Variants in SP5 observed in about 807,000 individuals in gnomAD.
The protein encoded by SP5 is transcription factor Sp5.
A neutral mutation model predicts 27.4 loss-of-function variants in SP5; 12 were observed. That is an observed-to-expected ratio of 0.44 (90% CI 0.28 to 0.71). The LOEUF is 0.71. Ranked by LOEUF, SP5 falls within the 30% of genes least tolerant of loss-of-function variation. SP5 has a pLI of 0.15. For missense variants in SP5, 660 were observed against 589.8 expected (o/e 1.12, Z -1.23); for synonymous variants, 330 against 290.7 (o/e 1.14, Z -1.38).
At chr2:170,715,975 C>G in intron 1 of SP5, 16 of 1,352,448 alleles carry the variant, frequency 1.2e-5, no homozygotes, top group Non-Finnish European at 1.5e-5. Flanking sequence ...CGGATGCCTC[C>G]CCCTCCCACT....
At position 170,715,554 on chromosome 2, in the gene SP5, C is replaced by T; in HGVS notation, c.42C>T (p.Ala14=). 1 of 1,557,916 alleles carries T rather than the reference C, an allele frequency of 6.4e-7. No homozygotes were observed. Among genetic ancestry groups the T allele is most frequent in the Middle Eastern group, 1.7e-4 (1 of 5,958 alleles). ...TCCTCCGGAACGACTCGCTGCAGGC[C>T]TTTCTCCAGGTCAGGGCCGAGCCCG... ...VAVLRNDSLQ[A]FLQDRTPSAS... The change falls in exon 1 of 2, where the codon GCC becomes GCT. Residue 14 remains alanine (A), a synonymous_variant. Coordinates refer to ENST00000375281, the MANE Select transcript of SP5 (RefSeq NM_001003845.3).
chr2:170,715,936 T>TA (rs1274863025), intron 1 of SP5: 38 of 1,339,438 alleles, frequency 2.8e-5, no homozygotes, highest in Admixed American at 7.6e-5. Flanking sequence ...TCCCGACTCT[T>TA]ACTGACCACG....
At position 170,716,674 on chromosome 2, in the gene SP5, C is replaced by A; in HGVS notation, c.467C>A (p.Pro156Gln). The A allele has an allele frequency of 4.4e-6, 7 of 1,591,968 alleles. No homozygotes were observed. Among genetic ancestry groups the A allele is most frequent in the Non-Finnish European group, 6.0e-6 (7 of 1,173,374 alleles). Residue 156 changes from proline (P) to glutamine (Q), a missense_variant, in exon 2 of 2, where the codon CCG becomes CAG. By Grantham distance (76) the Pro-to-Gln change is moderately conservative. Coordinates refer to ENST00000375281, the MANE Select transcript of SP5 (RefSeq NM_001003845.3). The stretch of plus-strand genomic sequence containing the variant: ...CCCTACGCGGCGCAGGCCGCGCTGC[C>A]GCCAGGCTACTCCAACCTGCTGCCT... ...YVPYAAQAAL[P>Q]PGYSNLLPPP...
In SP5 at chr2:170,717,105, G is replaced by A. The variant is rs1483286816; in HGVS notation, c.898G>A (p.Val300Met). 3 of 1,584,676 alleles carry A rather than the reference G, an allele frequency of 1.9e-6. No individual in the cohort carries two copies. The highest frequency in any genetic ancestry group is 1.1e-5 in the South Asian group (1 of 87,924). ...PGKKKQHVCHVPGCGKVYGKT... is the reference protein window; with the variant it reads ...PGKKKQHVCHMPGCGKVYGKT... ...GAAGAAGAAGCAGCACGTGTGCCAC[G>A]TGCCGGGCTGCGGCAAGGTGTACGG... Residue 300 changes from valine (V) to methionine (M), a missense_variant, in exon 2 of 2, where the codon GTG (valine) becomes ATG (methionine). Physicochemically the swap from Val to Met is conservative, Grantham distance 21 (BLOSUM62 1). Transcript: ENST00000375281.
In SP5 at chr2:170,716,427, A is replaced by T. The variant is rs199988182; in HGVS notation, c.220A>T (p.Thr74Ser). The stretch of plus-strand genomic sequence containing the variant: ...ACCCTCCAGGCTCTTCCACCCGTGG[A>T]CCGCCGACATGCCGGCGCACTCGCC... ...GSPSRLFHPW[T>S]ADMPAHSPGA... Residue 74 changes from threonine to serine, a missense_variant, in exon 2 of 2, where the codon ACC (threonine) becomes TCC (serine). Coordinates refer to ENST00000375281, the MANE Select transcript of SP5 (RefSeq NM_001003845.3). 2.0e-3 allele frequency: 3,274 copies of T among 1,601,206 alleles called. 4 individuals carry two copies. Among genetic ancestry groups the T allele is most frequent in the Non-Finnish European group, 2.6e-3 (3,056 of 1,178,886 alleles).
Position 170,716,422 on chromosome 2 carries a change from C to T in SP5, c.215C>T (p.Pro72Leu), listed in dbSNP as rs1407923161. 1.2e-6 allele frequency: 2 copies of T among 1,600,926 alleles called. No homozygotes were observed. ...ALGSPSRLFH[P>L]WTADMPAHSP... is the part of the protein sequence containing the mutation. ...GGCTCACCCTCCAGGCTCTTCCACC[C>T]GTGGACCGCCGACATGCCGGCGCAC... The change falls in exon 2 of 2, where the codon CCG (proline) becomes CTG (leucine). Residue 72 changes from proline to leucine, a missense_variant. Coordinates refer to ENST00000375281, the MANE Select transcript of SP5 (RefSeq NM_001003845.3).
Position 170,716,381 on chromosome 2 carries a change from C to G in SP5, c.174C>G (p.Pro58=), listed in dbSNP as rs778207384. 1 of 1,597,846 alleles carries G rather than the reference C, an allele frequency of 6.3e-7. No homozygotes were observed. Among genetic ancestry groups the G allele is most frequent in the Non-Finnish European group, 8.5e-7 (1 of 1,178,916 alleles). The change falls in exon 2 of 2, where the codon CCC becomes CCG. Residue 58 remains proline, a synonymous_variant. Coordinates refer to ENST00000375281, the MANE Select transcript of SP5 (RefSeq NM_001003845.3). ...CGCCCCCGGACTTCCTGCAGGTGCC[C>G]TACGACCCCGCGCTGGGCTCACCCT... ...AAAPPDFLQV[P]YDPALGSPSR...
rs1218793835 is a variant in SP5 at position 170,716,576 on chromosome 2, C to T, written c.369C>T (p.Tyr123=). 5 of 1,610,460 alleles carry T rather than the reference C, an allele frequency of 3.1e-6. No individual in the cohort carries two copies. Among genetic ancestry groups the T allele is most frequent in the Admixed American group, 1.7e-5 (1 of 59,902 alleles). The change falls in exon 2 of 2, where the codon TAC becomes TAT. Residue 123 remains tyrosine (Y), a synonymous_variant. Transcript: ENST00000375281. ...LTPPADPSYP[Y]EFSPVKMLPS... ...CCCCCGCCGACCCCTCGTACCCCTA[C>T]GAGTTCTCGCCGGTCAAGATGCTGC...
rs906926826 is a variant in SP5 at position 170,716,997 on chromosome 2, C to T, written c.790C>T (p.Leu264=). The T allele has an allele frequency of 6.5e-7, 1 of 1,547,764 alleles. No individual in the cohort carries two copies. The highest frequency in any genetic ancestry group is 1.2e-5 in the South Asian group (1 of 83,954). Residue 264 remains leucine (L), a synonymous_variant, in exon 2 of 2, where the codon CTG becomes TTG. Transcript: ENST00000375281. ...IAALLQTKAP[L]AATARRCRRC... ...CGCGCTGCTGCAGACCAAGGCCCCC[C>T]TGGCGGCCACGGCCAGGAGGTGCCG... is the stretch of plus-strand genomic sequence containing the variant.
Position 170,716,432 on chromosome 2 carries a change from C to T in SP5, c.225C>T (p.Ala75=), listed in dbSNP as rs1191055691. The part of the protein sequence containing the change: ...SPSRLFHPWT[A]DMPAHSPGAL... ...CCAGGCTCTTCCACCCGTGGACCGC[C>T]GACATGCCGGCGCACTCGCCAGGCG... is the stretch of plus-strand genomic sequence containing the variant. Residue 75 remains alanine (A), a synonymous_variant, in exon 2 of 2, where the codon GCC becomes GCT. Coordinates refer to ENST00000375281, the MANE Select transcript of SP5 (RefSeq NM_001003845.3). 3 of 1,602,004 alleles carry T rather than the reference C, an allele frequency of 1.9e-6. No individual in the cohort carries two copies. Among genetic ancestry groups the T allele is most frequent in the East Asian group, 2.2e-5 (1 of 44,794 alleles).
intron 1 of SP5, chr2:170,716,016 G>GTC (rs1700056949): frequency 3.6e-6 from 5 of 1,371,852 alleles, no homozygotes; most frequent in Non-Finnish European, 4.7e-6. Flanking sequence ...GCTGGATGGC[G>GTC]TCTCAGTGCA....
rs1268103863 is a variant in SP5 at position 170,717,483 on chromosome 2, C to T, written c.*79C>T. 6.5e-7 allele frequency: 1 copy of T among 1,539,820 alleles called. No individual in the cohort carries two copies. The highest frequency in any genetic ancestry group is 8.7e-7 in the Non-Finnish European group (1 of 1,144,364). On this transcript the variant is annotated 3_prime_UTR_variant, in exon 2 of 2. Coordinates refer to ENST00000375281, the MANE Select transcript of SP5 (RefSeq NM_001003845.3). ...CTGTGGGCAGCTGGCGGAGGGGAGA[C>T]TCAGCAGACGGACCCTCTCCGTTGC...
chr2:170,715,640 C>T, intron 1 of SP5, 77 bp downstream of exon 1: 2 of 1,493,252 alleles, frequency 1.3e-6, no homozygotes, highest in South Asian at 1.3e-5. Context: ...CTCCGTGCAC[C>T]TTGAACCTCA....
Position 170,716,535 on chromosome 2 carries a change from G to A in SP5, c.328G>A (p.Glu110Lys), listed in dbSNP as rs200585828. 1 of 1,611,226 alleles carries A rather than the reference G, an allele frequency of 6.2e-7. No individual in the cohort carries two copies. The highest frequency in any genetic ancestry group is 8.5e-7 in the Non-Finnish European group (1 of 1,179,384). The change falls in exon 2 of 2, where the codon GAG becomes AAG. Residue 110 changes from glutamate to lysine, a missense_variant. Physicochemically the swap from Glu to Lys is moderately conservative, Grantham distance 56. Coordinates refer to ENST00000375281, the MANE Select transcript of SP5 (RefSeq NM_001003845.3). Reference protein sequence around the residue: ...HLQPSFGAAHELPLTPPADPS... With the variant: ...HLQPSFGAAHKLPLTPPADPS... ...GCAGCCGTCCTTCGGGGCTGCGCAC[G>A]AGCTTCCCCTTACACCCCCCGCCGA...
In SP5 at chr2:170,716,886, G is replaced by A; in HGVS notation, c.679G>A (p.Ala227Thr). The A allele has an allele frequency of 2.0e-6, 3 of 1,504,164 alleles. No individual in the cohort carries two copies. The highest frequency in any genetic ancestry group is 2.7e-6 in the Non-Finnish European group (3 of 1,129,006). The allele number at this position is 1,504,164 out of a possible 1,614,324, so 93.2% of individuals were successfully genotyped here. ...CGCGCCCCGCTTCCCCGCCTCTGCGGCCGCTGCTGCTGCGGCCGCCGCCGC... is the reference window on the plus strand; with the variant it reads ...CGCGCCCCGCTTCCCCGCCTCTGCGACCGCTGCTGCTGCGGCCGCCGCCGC... ...PHAPRFPASA[A>T]AAAAAAAALQ... The change falls in exon 2 of 2, where the codon GCC (alanine) becomes ACC (threonine). Residue 227 changes from alanine to threonine, a missense_variant. By Grantham distance (58) the Ala-to-Thr change is moderately conservative. Transcript: ENST00000375281.
At position 170,716,938 on chromosome 2, in the gene SP5, C is replaced by A; in HGVS notation, c.731C>A (p.Pro244Gln). 1 of 1,547,252 alleles carries A rather than the reference C, an allele frequency of 6.5e-7. No individual in the cohort carries two copies. The highest frequency in any genetic ancestry group is 2.0e-5 in the Admixed American group (1 of 50,956). ...CTACAAAGAGGCCTGGTGTTGGGCC[C>A]GTCGGACTTTGCGCAGTACCAGAGC... ...AALQRGLVLG[P>Q]SDFAQYQSQI... Residue 244 changes from proline (P) to glutamine (Q), a missense_variant, in exon 2 of 2, where the codon CCG becomes CAG. Transcript: ENST00000375281.
chr2:170,716,623 C>G lies in SP5; in HGVS notation c.416C>G (p.Pro139Arg), dbSNP rs768747483. The G allele has an allele frequency of 8.7e-6, 14 of 1,607,856 alleles. No individual in the cohort carries two copies. Among genetic ancestry groups the G allele is most frequent in the Non-Finnish European group, 1.2e-5 (14 of 1,178,206 alleles). The change falls in exon 2 of 2, where the codon CCC (proline) becomes CGC (arginine). Residue 139 changes from proline to arginine, a missense_variant. Pro to Arg is a moderately radical substitution (Grantham distance 103). Transcript: ENST00000375281. ...CTGCCCTCGAGCATGGCGGCTCTGCCCGCCAGCTGCGCGCCCGCCTACGTG... is the reference window on the plus strand; with the variant it reads ...CTGCCCTCGAGCATGGCGGCTCTGCGCGCCAGCTGCGCGCCCGCCTACGTG... ...KMLPSSMAAL[P>R]ASCAPAYVPY...
Position 170,717,330 on chromosome 2 carries a change from G to A in SP5, c.1123G>A (p.Val375Ile). Reference sequence around the variant, plus strand: ...GCGCAGCGACCACCTCGCGAAGCACGTCAAGACTCACCAGAATAAGAAGCT... The same window carrying A: ...GCGCAGCGACCACCTCGCGAAGCACATCAAGACTCACCAGAATAAGAAGCT... ...FMRSDHLAKH[V>I]KTHQNKKLKV... Residue 375 changes from valine to isoleucine, a missense_variant, in exon 2 of 2, where the codon GTC becomes ATC. Val to Ile is a conservative substitution (Grantham distance 29, BLOSUM62 3). Transcript: ENST00000375281. 6.2e-7 allele frequency: 1 copy of A among 1,610,558 alleles called. No homozygotes were observed. The highest frequency in any genetic ancestry group is 8.5e-7 in the Non-Finnish European group (1 of 1,179,972).
At position 170,715,423 on chromosome 2, in the gene SP5, A is replaced by T; in HGVS notation, c.-90A>T. 6.7e-7 allele frequency: 1 copy of T among 1,502,002 alleles called. No homozygotes were observed. Among genetic ancestry groups the T allele is most frequent in the Non-Finnish European group, 8.9e-7 (1 of 1,122,926 alleles). 93.0% of individuals were successfully genotyped at this position (1,502,002 alleles called of 1,614,324 possible). A position where few individuals can be genotyped will look rare whatever the true frequency, so the allele number is the denominator to read the frequency against. On this transcript the variant is annotated 5_prime_UTR_variant, in exon 1 of 2. Transcript: ENST00000375281. ...CGCTCAGAGCAGGCGCCAGGGAGGCAGGCTGGGCGGCCCTTCGTCCTCGCC... is the reference window on the plus strand; with the variant it reads ...CGCTCAGAGCAGGCGCCAGGGAGGCTGGCTGGGCGGCCCTTCGTCCTCGCC...
Sources: gnomAD v4.1 joint callset for allele counts on GRCh38, gnomAD v4.1.1 for gene constraint, MANE v1.5 for transcripts, NCBI Gene and HGNC (gene_info 2026-07-23, HGNC 2026-07-21) for gene names.